The following GYG1 variants were observed in gnomAD, a reference collection of about 807,000 sequenced individuals.
GYG1 encodes the protein glycogenin-1.
Under a neutral mutation model 41.9 loss-of-function variants are expected in GYG1, and 44 were observed. The observed-to-expected ratio is 1.05, with a 90% CI of 0.83 to 1.35. GYG1 has a LOEUF of 1.35. Ranked by LOEUF, GYG1 falls within the 40% of genes most tolerant of loss-of-function variation. The probability of loss-of-function intolerance (pLI) is 0.00; values close to 1 mark genes in which losing one functional copy is unlikely to be tolerated. For synonymous variants in GYG1, 141 were observed against 158.1 expected, an observed-to-expected ratio of 0.89 and a Z score of 0.81; for missense variants, 429 against 418.9, an observed-to-expected ratio of 1.02 and a Z score of -0.21.
intron 2 of GYG1, among the ~76,000 whole-genome samples, chr3:148,995,793 C>T (rs1712751414): frequency 6.6e-6 from 1 of 152,182 alleles, no homozygotes; most frequent in Non-Finnish European, 1.5e-5. Context: ...CCCTACCGAT[C>T]CACCATAAAG....
chr3:149,023,701 T>C (rs903016282), intron 5 of GYG1, among the ~76,000 whole-genome samples: 1 of 152,124 alleles, frequency 6.6e-6, no homozygotes, highest in Non-Finnish European at 1.5e-5. Flanking sequence ...TTTGAACCCT[T>C]ACTGCAGGAT....
Position 149,024,042 on chromosome 3 carries a change from T to A in GYG1, c.609-11T>A, listed in dbSNP as rs146085961. The A allele has an allele frequency of 8.1e-6, 13 of 1,604,232 alleles. No individual in the cohort carries two copies. In the African/African-American group the frequency reaches 1.2e-4, roughly 15 times the overall value. ...ATCCACTAACTGTTTCAACTTGCGT[T>A]CACTTGGCAGGTTTGGTGCAAGTGC... On this transcript the variant is annotated splice_polypyrimidine_tract_variant and intron_variant, in intron 5 of 7. Coordinates refer to ENST00000345003, the MANE Select transcript of GYG1 (RefSeq NM_004130.4).
chr3:149,003,870 G>A (rs891368531), intron 4 of GYG1: 3 of 152,200 alleles, frequency 2.0e-5, no homozygotes, highest in African/African-American at 7.2e-5. Flanking sequence ...CCAGCAAACT[G>A]TGGAAGAGCA....
At chr3:149,021,396 A>G (rs1714366470) in intron 5 of GYG1, among the ~76,000 whole-genome samples, 2 of 152,246 alleles carry the variant, frequency 1.3e-5, no homozygotes, top group South Asian at 4.1e-4. Context: ...GTATAAAATA[A>G]AGAGTAAGCT....
At chr3:148,997,874 A>C (rs538419330) in intron 4 of GYG1, among the ~76,000 whole-genome samples, 2 of 152,306 alleles carry the variant, frequency 1.3e-5, no homozygotes, top group South Asian at 4.1e-4. Flanking sequence ...CACAGCGGGG[A>C]CTTCTTTCCT....
intron 4 of GYG1, among the ~76,000 whole-genome samples, chr3:149,003,016 C>T (rs1485302122): frequency 1.3e-5 from 2 of 151,744 alleles, no homozygotes; most frequent in Non-Finnish European, 2.9e-5. Flanking sequence ...GACTCTGTCT[C>T]TGTAAATAAA....
At chr3:148,993,806 G>A (rs767482364) in intron 1 of GYG1, among the ~76,000 whole-genome samples, 1 of 152,176 alleles carries the variant, frequency 6.6e-6, no homozygotes, top group Non-Finnish European at 1.5e-5. Flanking sequence ...AACAGCAAAT[G>A]TACTACTTGA....
At chr3:148,996,237 A>G (rs1712776918) in intron 2 of GYG1, 65 bp from the exon 3 acceptor site, 1 of 1,130,676 alleles carries the variant, frequency 8.8e-7, no homozygotes, top group Non-Finnish European at 1.4e-6. Flanking sequence ...CATCAGTCTT[A>G]CAGCAGATGG....
At chr3:149,014,152 T>C (rs992861205) in intron 5 of GYG1, among the ~76,000 whole-genome samples, 5 of 152,078 alleles carry the variant, frequency 3.3e-5, no homozygotes, top group Admixed American at 3.3e-4. Context: ...TGCACAGATG[T>C]CTTGTTCCCT....
At chr3:149,015,346 A>T (rs1458601770) in intron 5 of GYG1, among the ~76,000 whole-genome samples, 2 of 152,210 alleles carry the variant, frequency 1.3e-5, no homozygotes. Context: ...ACTTATAGTC[A>T]CGAGACAAGA....
At chr3:149,024,328 T>C in intron 6 of GYG1, 56 bp downstream of exon 6, 1 of 1,048,464 alleles carries the variant, frequency 9.5e-7, no homozygotes, top group Non-Finnish European at 1.5e-6. Flanking sequence ...AAAAAATTGT[T>C]GTATCAATAG....
chr3:149,004,950 C>G (rs1713308006), intron 4 of GYG1, among the ~76,000 whole-genome samples: 1 of 152,186 alleles, frequency 6.6e-6, no homozygotes, highest in Non-Finnish European at 1.5e-5. Context: ...GAGGGATCAG[C>G]AGCTCTGACT....
chr3:148,992,675 C>T (rs1211035311), intron 1 of GYG1: 1 of 152,140 alleles, frequency 6.6e-6, no homozygotes, highest in Admixed American at 6.5e-5. Flanking sequence ...GCGATGTTAC[C>T]CATGTTATAA....
At chr3:148,996,961 G>T in intron 4 of GYG1, 57 bp downstream of exon 4, 2 of 1,264,026 alleles carry the variant, frequency 1.6e-6, no homozygotes, top group Non-Finnish European at 2.3e-6. Flanking sequence ...TCTAGGGGCT[G>T]CTCTTCTCAG....
At position 149,028,583 on chromosome 3, in the gene GYG1, T is replaced by TTA. The variant is rs1270391465; in HGVS notation, c.*1652_*1653dup. Among the ~76,000 whole-genome samples, 1 of 152,218 alleles carries TTA rather than the reference T, an allele frequency of 6.6e-6. No individual in the cohort carries two copies. The highest frequency in any genetic ancestry group is 1.9e-4 in the East Asian group (1 of 5,204). ...ACACAGTCTTCAGATATAAAATGTC[T>TTA]TATTTTTGTGGCCATTCAGTTGCAT... On this transcript the variant is annotated 3_prime_UTR_variant, in exon 8 of 8. Coordinates refer to ENST00000345003, the MANE Select transcript of GYG1 (RefSeq NM_004130.4).
intron 5 of GYG1, among the ~76,000 whole-genome samples, chr3:149,019,931 T>C (rs1402431936): frequency 6.6e-6 from 1 of 152,206 alleles, no homozygotes; most frequent in Non-Finnish European, 1.5e-5. Flanking sequence ...AGCCAGAGGC[T>C]CAGGTGTATA....
rs2107925490 is a variant in GYG1 at position 149,027,199 on chromosome 3, G to GT, written c.*267dup. 1 of 505,354 alleles carries GT rather than the reference G, an allele frequency of 2.0e-6. No individual in the cohort carries two copies. Among genetic ancestry groups the GT allele is most frequent in the East Asian group, 3.3e-5 (1 of 29,938 alleles). The allele number at this position is 505,354 out of a possible 1,614,324, so 31.3% of individuals were successfully genotyped here. Reference sequence around the variant, plus strand: ...CTTTTGTTGACTGCCAACATACAAAGTAAGGGAAACTCAAGATATTAAGAT... The same window carrying GT: ...CTTTTGTTGACTGCCAACATACAAAGTTAAGGGAAACTCAAGATATTAAGAT... On this transcript the variant is annotated 3_prime_UTR_variant, in exon 8 of 8. Coordinates refer to ENST00000345003, the MANE Select transcript of GYG1 (RefSeq NM_004130.4).
intron 4 of GYG1, among the ~76,000 whole-genome samples, chr3:149,004,324 C>T (rs1275260545): frequency 1.3e-5 from 2 of 152,158 alleles, no homozygotes; most frequent in South Asian, 2.1e-4. Context: ...TAAAATGTAT[C>T]GGACAAAAGT....
In GYG1 at chr3:148,996,758, A is replaced by G. The variant is rs1020360836; in HGVS notation, c.335A>G (p.Asp112Gly). 5.0e-6 allele frequency: 8 copies of G among 1,613,816 alleles called. No homozygotes were observed. The highest frequency in any genetic ancestry group is 2.7e-5 in the African/African-American group (2 of 74,914). ...DADTLVLANI[D>G]DLFDREELSA... ...TTTGATCAGGTCCTAGCAAATATTG[A>G]TGATCTTTTTGACAGAGAAGAATTG... The change falls in exon 4 of 8, where the codon GAT (aspartate) becomes GGT (glycine). Residue 112 changes from aspartate (D) to glycine (G), a missense_variant. Coordinates refer to ENST00000345003, the MANE Select transcript of GYG1 (RefSeq NM_004130.4).
Sources: allele counts gnomAD v4.1 joint callset (sites outside exome capture counted in the v4.1 genomes callset), GRCh38; gene constraint gnomAD v4.1.1; transcripts MANE v1.5; gene names NCBI Gene and HGNC (gene_info 2026-07-23, HGNC 2026-07-21).